TAFA1: variants seen among roughly 807,000 people sequenced by gnomAD.
The protein encoded by TAFA1 is TAFA chemokine like family member 1.
A neutral mutation model predicts 18.5 loss-of-function variants in TAFA1; 4 were observed. The ratio of observed to expected loss-of-function variants is 0.22; its 90% CI spans 0.11 to 0.49. The LOEUF is 0.49. Ranked by LOEUF, TAFA1 falls within the 20% of genes least tolerant of loss-of-function variation. TAFA1 has a pLI of 0.98. For missense variants in TAFA1, 147 were observed against 169.0 expected (o/e 0.87, Z 0.72); for synonymous variants, 56 against 55.2 (o/e 1.01, Z -0.06).
At chr3:68,074,914 A>G (rs995497678) in intron 2 of TAFA1, among the ~76,000 whole-genome samples, 1 of 152,170 alleles carries the variant, frequency 6.6e-6, no homozygotes, top group Non-Finnish European at 1.5e-5. Context: ...AATTCTCTGA[A>G]ATTGTTGCAA....
intron 3 of TAFA1, among the ~76,000 whole-genome samples, chr3:68,447,984 A>G (rs1162385491): frequency 1.3e-5 from 2 of 152,210 alleles, no homozygotes; most frequent in Non-Finnish European, 2.9e-5. Context: ...AGGTTAAATA[A>G]TTTACCCACA....
chr3:68,453,096 T>G (rs1473883175), intron 3 of TAFA1, among the ~76,000 whole-genome samples: 1 of 152,206 alleles, frequency 6.6e-6, no homozygotes, highest in Non-Finnish European at 1.5e-5. Flanking sequence ...AAAAATGAAT[T>G]AATCTCCAGA....
chr3:68,090,489 C>T (rs921605101), intron 2 of TAFA1, among the ~76,000 whole-genome samples: 1 of 152,140 alleles, frequency 6.6e-6, no homozygotes, highest in African/African-American at 2.4e-5. Flanking sequence ...TTAGCCAGTG[C>T]TGTTTTTTCT....
chr3:67,994,019 G>A, the TAFA1 span, among the ~76,000 whole-genome samples: 1 of 152,108 alleles, frequency 6.6e-6, no homozygotes, highest in African/African-American at 2.4e-5. Context: ...TTGGTTGGGG[G>A]TGAGCTGTGT....
chr3:68,429,246 G>A (rs574098274), intron 3 of TAFA1, among the ~76,000 whole-genome samples: 1 of 152,044 alleles, frequency 6.6e-6, no homozygotes, highest in African/African-American at 2.4e-5. Context: ...ACTACTTAGA[G>A]TAGTAGGCTA....
intron 3 of TAFA1, among the ~76,000 whole-genome samples, chr3:68,423,452 G>A (rs1397253): frequency 0.8 from 122,064 of 152,098 alleles, 49,455 homozygotes; most frequent in African/African-American, 0.92. Context: ...ACTCTTAACT[G>A]ACATGAACAC....
intron 3 of TAFA1, among the ~76,000 whole-genome samples, chr3:68,445,646 C>A (rs543154549): frequency 2.0e-5 from 3 of 152,070 alleles, no homozygotes; most frequent in Non-Finnish European, 2.9e-5. Flanking sequence ...TGGCCTAAAT[C>A]GGTGGTTCTC....
intron 2 of TAFA1, among the ~76,000 whole-genome samples, chr3:68,270,752 C>A (rs80062564): frequency 6.6e-6 from 1 of 152,068 alleles, no homozygotes; most frequent in African/African-American, 2.4e-5. Flanking sequence ...AGAGGGTGTG[C>A]CTGACTGGCC....
chr3:68,122,943 C>G (rs1412554926), intron 2 of TAFA1, among the ~76,000 whole-genome samples: 1 of 151,668 alleles, frequency 6.6e-6, no homozygotes, highest in Admixed American at 6.6e-5. Context: ...ACCAAATTTT[C>G]ATGACTCATT....
intron 2 of TAFA1, among the ~76,000 whole-genome samples, chr3:68,343,446 C>T (rs2069116776): frequency 6.6e-6 from 1 of 152,080 alleles, no homozygotes; most frequent in Non-Finnish European, 1.5e-5. Flanking sequence ...TAATTTTATT[C>T]TTACAAATGT....
chr3:68,401,191 AG>A (rs2070481900), intron 2 of TAFA1, among the ~76,000 whole-genome samples: 1 of 152,134 alleles, frequency 6.6e-6, no homozygotes, highest in African/African-American at 2.4e-5. Context: ...AGGATGATAA[AG>A]GGGGAAGTGT....
chr3:67,992,619 C>A, the TAFA1 span, among the ~76,000 whole-genome samples: 1 of 152,120 alleles, frequency 6.6e-6, no homozygotes, highest in Admixed American at 6.5e-5. Context: ...CTGTTGTAGC[C>A]TGAATGCAAG....
At chr3:68,145,057 T>C (rs1236162539) in intron 2 of TAFA1, 6 of 1,605,374 alleles carry the variant, frequency 3.7e-6, no homozygotes, top group African/African-American at 1.3e-5. Context: ...AGTTGCTGGA[T>C]CAGTGCGAGA....
At chr3:68,183,068 T>C (rs536583634) in intron 2 of TAFA1, among the ~76,000 whole-genome samples, 1 of 152,304 alleles carries the variant, frequency 6.6e-6, no homozygotes, top group South Asian at 2.1e-4. Context: ...ACATTTGACC[T>C]GAGCAGTATG....
At chr3:68,410,122 A>G (rs2070684814) in intron 2 of TAFA1, among the ~76,000 whole-genome samples, 1 of 152,150 alleles carries the variant, frequency 6.6e-6, no homozygotes, top group Non-Finnish European at 1.5e-5. Context: ...AATAATCTTG[A>G]AATGCTATCT....
At position 68,521,856 on chromosome 3, in the gene TAFA1, GT is replaced by G. The variant is rs57372768; in HGVS notation, c.260-16880del. On this transcript the variant is annotated intron_variant, in intron 3 of 4. Coordinates refer to ENST00000478136, the MANE Select transcript of TAFA1 (RefSeq NM_213609.4). ...TCTGGGTTTTTCTGTGTTTTTTTCTGTTTTTTTTTTTTTTTTTTTTGGAGAT... is the reference window on the plus strand; with the variant it reads ...TCTGGGTTTTTCTGTGTTTTTTTCTGTTTTTTTTTTTTTTTTTTTGGAGAT... Among the ~76,000 whole-genome samples, 108 of 70,854 alleles carry G rather than the reference GT, an allele frequency of 1.5e-3. 2 individuals are homozygous for G. Among genetic ancestry groups the G allele is most frequent in the Middle Eastern group, 0.016 (1 of 64 alleles). The allele number at this position is 70,854 out of a possible 152,430, so 46.5% of individuals were successfully genotyped here.
At chr3:68,371,660 T>A (rs2069709432) in intron 2 of TAFA1, among the ~76,000 whole-genome samples, 1 of 152,238 alleles carries the variant, frequency 6.6e-6, no homozygotes, top group Non-Finnish European at 1.5e-5. Context: ...AAGACTTTGC[T>A]ATTGTAAATA....
intron 2 of TAFA1, among the ~76,000 whole-genome samples, chr3:68,081,105 C>T (rs964084265): frequency 9.8e-4 from 149 of 152,284 alleles, no homozygotes; most frequent in Non-Finnish European, 1.7e-3. Context: ...TTGATCGCAT[C>T]GGCTCCTGGG....
chr3:68,512,068 G>T (rs1450788700), intron 3 of TAFA1, among the ~76,000 whole-genome samples: 2 of 152,046 alleles, frequency 1.3e-5, no homozygotes, highest in South Asian at 4.1e-4. Context: ...GTTTACAGAA[G>T]TTAAATCACT....
Sources: gnomAD v4.1 joint callset for allele counts (sites outside exome capture counted in the v4.1 genomes callset) on GRCh38, gnomAD v4.1.1 for gene constraint, MANE v1.5 for transcripts, NCBI Gene and HGNC (gene_info 2026-07-23, HGNC 2026-07-21) for gene names.